Variants in ATG10 observed in about 807,000 individuals in gnomAD.
The protein encoded by ATG10 is autophagy related 10, also known as ubiquitin-like-conjugating enzyme ATG10.
A neutral mutation model predicts 32.1 loss-of-function variants in ATG10; 30 were observed. The ratio of observed to expected loss-of-function variants is 0.94; its 90% CI spans 0.70 to 1.27. The LOEUF is 1.27. Ranked by LOEUF, ATG10 falls within the 50% of genes most tolerant of loss-of-function variation. ATG10 has a pLI of 0.00. For missense variants in ATG10, 233 were observed against 262.3 expected (o/e 0.89, Z 0.77); for synonymous variants, 87 against 91.5 (o/e 0.95, Z 0.28).
At chr5:82,178,382 G>T in intron 4 of ATG10, 108 bp from the exon 5 acceptor site, 1 of 693,480 alleles carries the variant, frequency 1.4e-6, no homozygotes. Flanking sequence ...CATGTGCACT[G>T]AAGATCTTTC....
At chr5:82,102,279 T>A (rs1253972850) in intron 3 of ATG10, among the ~76,000 whole-genome samples, 1 of 152,148 alleles carries the variant, frequency 6.6e-6, no homozygotes, top group East Asian at 1.9e-4. Flanking sequence ...GTTGGTGTGG[T>A]ATGTATTTTG....
At chr5:82,099,998 G>GTTT (rs745517607) in intron 3 of ATG10, among the ~76,000 whole-genome samples, 8 of 76,422 alleles carry the variant, frequency 1.0e-4, no homozygotes, top group African/African-American at 2.8e-4. Flanking sequence ...TTCTTTTTCT[G>GTTT]TGTTTTTTTT....
intron 5 of ATG10, among the ~76,000 whole-genome samples, chr5:82,208,122 G>A (rs1745368873): frequency 6.6e-6 from 1 of 152,096 alleles, no homozygotes; most frequent in African/African-American, 2.4e-5. Context: ...TACACATAAA[G>A]TTTCCACATG....
chr5:82,034,441 C>G (rs1762850032), intron 2 of ATG10, among the ~76,000 whole-genome samples: 1 of 152,152 alleles, frequency 6.6e-6, no homozygotes. Context: ...TCTTTTTTCA[C>G]CTGGCTTCCT....
Position 82,117,476 on chromosome 5 carries a change from A to G in ATG10, c.217-46923A>G, listed in dbSNP as rs138954113. On this transcript the variant is annotated intron_variant, in intron 3 of 7. Coordinates refer to ENST00000282185, the MANE Select transcript of ATG10 (RefSeq NM_031482.5). ...GCTTCAGATATTTTTTTGTTCTCCAACCTTTGATCTTTGTCTTGTCTGGTT... is the reference window on the plus strand; with the variant it reads ...GCTTCAGATATTTTTTTGTTCTCCAGCCTTTGATCTTTGTCTTGTCTGGTT... Among the ~76,000 whole-genome samples the G allele has an allele frequency of 2.6e-4, 39 of 152,112 alleles. No homozygotes were observed. The East Asian group carries it at 6.8e-3, about 26-fold the overall frequency.
chr5:82,035,328 C>G (rs954149563), intron 2 of ATG10, among the ~76,000 whole-genome samples: 1 of 152,200 alleles, frequency 6.6e-6, no homozygotes, highest in Non-Finnish European at 1.5e-5. Context: ...TCCATGAAGG[C>G]AAGAACTTGT....
intron 5 of ATG10, among the ~76,000 whole-genome samples, chr5:82,239,133 C>T (rs1016300342): frequency 1.4e-4 from 21 of 152,110 alleles, no homozygotes; most frequent in Admixed American, 1.1e-3. Flanking sequence ...AAGTTTTTAT[C>T]TTATGTTGGG....
chr5:82,095,134 A>G (rs1211504707), intron 3 of ATG10, among the ~76,000 whole-genome samples: 1 of 152,190 alleles, frequency 6.6e-6, no homozygotes, highest in Non-Finnish European at 1.5e-5. Context: ...AGAAATCTGT[A>G]TATAGAAGGG....
intron 2 of ATG10, among the ~76,000 whole-genome samples, chr5:82,036,432 A>G (rs942947753): frequency 2.0e-5 from 3 of 152,030 alleles, no homozygotes; most frequent in Non-Finnish European, 4.4e-5. Context: ...CATCTCTACT[A>G]AAAATACAAA....
chr5:81,993,352 T>G (rs148780904), intron 2 of ATG10, among the ~76,000 whole-genome samples: 1 of 24,856 alleles, frequency 4.0e-5, no homozygotes, highest in Non-Finnish European at 7.2e-5. Flanking sequence ...TCTTTCTTTC[T>G]TTCTTTCCTT....
At chr5:82,228,021 T>C (rs938720464) in intron 5 of ATG10, among the ~76,000 whole-genome samples, 5 of 151,756 alleles carry the variant, frequency 3.3e-5, no homozygotes, top group South Asian at 2.1e-4. Flanking sequence ...GCCTGGGCAA[T>C]ATAGAGAAAC....
intron 3 of ATG10, among the ~76,000 whole-genome samples, chr5:82,135,386 C>T (rs533487455): frequency 8.5e-5 from 13 of 152,256 alleles, no homozygotes; most frequent in Admixed American, 5.2e-4. Flanking sequence ...TTTCTCTAAG[C>T]GCTGCTTTAG....
At chr5:82,121,063 G>A (rs778336267) in intron 3 of ATG10, among the ~76,000 whole-genome samples, 4 of 152,148 alleles carry the variant, frequency 2.6e-5, no homozygotes, top group Non-Finnish European at 4.4e-5. Context: ...ATGGACCCAG[G>A]AATAAGGGTT....
intron 5 of ATG10, among the ~76,000 whole-genome samples, chr5:82,211,167 A>ATAG: frequency 6.6e-6 from 1 of 152,198 alleles, no homozygotes; most frequent in Non-Finnish European, 1.5e-5. Flanking sequence ...ACTTCTTTCC[A>ATAG]TAGTGCATGA....
chr5:82,184,193 A>G (rs1311797014), intron 5 of ATG10, among the ~76,000 whole-genome samples: 1 of 152,182 alleles, frequency 6.6e-6, no homozygotes, highest in Non-Finnish European at 1.5e-5. Flanking sequence ...TCTTGGTTAA[A>G]TTACAAAGAT....
rs200538832 is a variant in ATG10, at chr5:81,987,550, G to T, written c.-12-9G>T. 6.7e-7 allele frequency: 1 copy of T among 1,499,772 alleles called. No homozygotes were observed. Among genetic ancestry groups the T allele is most frequent in the Admixed American group, 1.8e-5 (1 of 56,124 alleles). The allele number at this position is 1,499,772 out of a possible 1,614,324, so 92.9% of individuals were successfully genotyped here. On this transcript the variant is annotated splice_polypyrimidine_tract_variant and intron_variant, in intron 1 of 7. Coordinates refer to ENST00000282185, the MANE Select transcript of ATG10 (RefSeq NM_031482.5). The stretch of plus-strand genomic sequence containing the variant: ...AAGTTGATGCTAATACTTAGTTTTT[G>T]TATTGCAGTTATCATTTAACATGGA...
At chr5:82,054,916 A>C (rs1217522201) in intron 2 of ATG10, among the ~76,000 whole-genome samples, 1 of 152,196 alleles carries the variant, frequency 6.6e-6, no homozygotes, top group Non-Finnish European at 1.5e-5. Context: ...GATAAGTACA[A>C]AAAGAATGCA....
At chr5:82,071,759 G>A (rs374125203) in intron 3 of ATG10, among the ~76,000 whole-genome samples, 2 of 152,068 alleles carry the variant, frequency 1.3e-5, no homozygotes, top group South Asian at 4.1e-4. Flanking sequence ...AATAGTCAGC[G>A]TTTTTAGCAG....
intron 3 of ATG10, among the ~76,000 whole-genome samples, chr5:82,066,812 T>C (rs1763958024): frequency 6.6e-6 from 1 of 152,194 alleles, no homozygotes; most frequent in Non-Finnish European, 1.5e-5. Context: ...GAATATTTTT[T>C]TTATAATGGA....
Sources: gnomAD v4.1 joint callset for allele counts (sites outside exome capture counted in the v4.1 genomes callset) on GRCh38, gnomAD v4.1.1 for gene constraint, MANE v1.5 for transcripts, NCBI Gene and HGNC (gene_info 2026-07-23, HGNC 2026-07-21) for gene names.